GABRB1: variants seen among roughly 807,000 people sequenced by gnomAD.
GABRB1 encodes gamma-aminobutyric acid receptor subunit beta-1.
GABRB1 carries 17 observed loss-of-function variants against 51.6 expected under a neutral mutation model. The observed-to-expected ratio is 0.33, with a 90% CI of 0.23 to 0.49. The LOEUF is 0.49. Among genes scored for constraint, GABRB1 ranks in the 20% least tolerant of loss-of-function variants. The probability of loss-of-function intolerance (pLI) is 0.99; values close to 1 mark genes in which losing one functional copy is unlikely to be tolerated. For synonymous variants in GABRB1, 247 were observed against 218.9 expected (o/e 1.13, Z -1.14); for missense variants, 410 against 600.6 (o/e 0.68, Z 3.32).
At chr4:47,139,352 T>C (rs576772112) in intron 3 of GABRB1, among the ~76,000 whole-genome samples, 1 of 152,196 alleles carries the variant, frequency 6.6e-6, no homozygotes, top group South Asian at 2.1e-4. Flanking sequence ...ATCTCAGTCC[T>C]TTTGCTTTTA....
At position 47,403,347 on chromosome 4, in the gene GABRB1, T is replaced by C; in HGVS notation, c.574T>C (p.Tyr192His). The change falls in exon 6 of 9, where the codon TAC becomes CAC. Residue 192 changes from tyrosine to histidine, a missense_variant. Tyr to His is a moderately conservative substitution (Grantham distance 83). Around this residue, in one of 5 missense-constraint regions of GABRB1, gnomAD observed 36 missense variants for 39.7 expected, o/e 0.91. Coordinates refer to ENST00000295454, the MANE Select transcript of GABRB1 (RefSeq NM_000812.4). ...CTATACCACTGATGACATTGAATTT[T>C]ACTGGAATGGAGGAGAAGGGGCAGT... The part of the protein sequence containing the change: ...YGYTTDDIEF[Y>H]WNGGEGAVTG... 1.9e-6 allele frequency: 3 copies of C among 1,614,066 alleles called. No homozygotes were observed. Among genetic ancestry groups the C allele is most frequent in the Non-Finnish European group, 2.5e-6 (3 of 1,179,916 alleles).
chr4:47,343,800 G>A (rs555846984), intron 5 of GABRB1, among the ~76,000 whole-genome samples: 4 of 152,252 alleles, frequency 2.6e-5, no homozygotes, highest in East Asian at 1.9e-4. Flanking sequence ...CCTGTACCAC[G>A]TATTCATATT....
intron 3 of GABRB1, among the ~76,000 whole-genome samples, chr4:47,147,788 A>G (rs969329749): frequency 7.9e-5 from 12 of 152,102 alleles, no homozygotes; most frequent in Admixed American, 7.9e-4. Flanking sequence ...TAGCAAGACA[A>G]GAGGTATGTT....
chr4:47,365,920 C>A (rs911428300), intron 5 of GABRB1, among the ~76,000 whole-genome samples: 28 of 152,132 alleles, frequency 1.8e-4, no homozygotes, highest in African/African-American at 6.8e-4. Context: ...CCAGTTCTTA[C>A]CTTGTTGCTT....
intron 3 of GABRB1, among the ~76,000 whole-genome samples, chr4:47,087,925 C>T (rs1728145454): frequency 6.6e-6 from 1 of 152,108 alleles, no homozygotes; most frequent in South Asian, 2.1e-4. Flanking sequence ...TGTTGTTTTG[C>T]AACCTGGGAA....
intron 3 of GABRB1, among the ~76,000 whole-genome samples, chr4:47,084,719 A>G (rs1406495121): frequency 6.6e-6 from 1 of 152,188 alleles, no homozygotes; most frequent in Non-Finnish European, 1.5e-5. Flanking sequence ...AAGTCTTTGT[A>G]AGACTTACAA....
intron 3 of GABRB1, among the ~76,000 whole-genome samples, chr4:47,132,156 CGTCA>C (rs1478226804): frequency 1.3e-5 from 2 of 152,062 alleles, no homozygotes. Flanking sequence ...CACTAGAAAG[CGTCA>C]TTCAGATTGA....
intron 5 of GABRB1, among the ~76,000 whole-genome samples, chr4:47,380,168 G>T (rs1457317498): frequency 2.0e-5 from 3 of 152,156 alleles, no homozygotes; most frequent in African/African-American, 7.2e-5. Flanking sequence ...CTCTGGAATT[G>T]CTTGTTATAA....
At chr4:47,317,176 T>A (rs753254446) in intron 4 of GABRB1, among the ~76,000 whole-genome samples, 1 of 152,054 alleles carries the variant, frequency 6.6e-6, no homozygotes, top group Non-Finnish European at 1.5e-5. Context: ...CTGGGCTCCA[T>A]CTACTAGATT....
intron 4 of GABRB1, among the ~76,000 whole-genome samples, chr4:47,243,235 A>G (rs1304455686): frequency 3.9e-5 from 6 of 152,078 alleles, no homozygotes; most frequent in Non-Finnish European, 7.4e-5. Flanking sequence ...GCTCTGTTCC[A>G]TTGGTCTATA....
intron 3 of GABRB1, among the ~76,000 whole-genome samples, chr4:47,088,649 C>T (rs1728174946): frequency 6.6e-6 from 1 of 152,124 alleles, no homozygotes; most frequent in South Asian, 2.1e-4. Flanking sequence ...ATTGAGAAGG[C>T]CAGCTTACAT....
intron 4 of GABRB1, among the ~76,000 whole-genome samples, chr4:47,210,854 C>A (rs1408431393): frequency 3.3e-5 from 5 of 152,082 alleles, no homozygotes; most frequent in Non-Finnish European, 7.4e-5. Flanking sequence ...GCCACGGGGG[C>A]TATAGTAACT....
chr4:47,234,059 C>T (rs1024560828), intron 4 of GABRB1, among the ~76,000 whole-genome samples: 1 of 152,050 alleles, frequency 6.6e-6, no homozygotes, highest in Non-Finnish European at 1.5e-5. Flanking sequence ...CTGTTTTTAC[C>T]AGAATATTTC....
intron 5 of GABRB1, among the ~76,000 whole-genome samples, chr4:47,396,106 G>A (rs1042363416): frequency 2.0e-5 from 3 of 152,168 alleles, no homozygotes; most frequent in African/African-American, 7.2e-5. Context: ...ATTTACAAAA[G>A]AAAGATGTTT....
chr4:47,134,494 GA>G (rs746387786), intron 3 of GABRB1, among the ~76,000 whole-genome samples: 20 of 151,934 alleles, frequency 1.3e-4, no homozygotes, highest in Non-Finnish European at 2.8e-4. Flanking sequence ...TTAATGAGAG[GA>G]AAATGATGGA....
chr4:47,061,765 C>T (rs138523156), intron 3 of GABRB1, among the ~76,000 whole-genome samples: 1 of 152,136 alleles, frequency 6.6e-6, no homozygotes. Context: ...CTAATTTTAT[C>T]AACCTATGAT....
At chr4:47,239,717 A>T (rs576751995) in intron 4 of GABRB1, among the ~76,000 whole-genome samples, 1 of 152,348 alleles carries the variant, frequency 6.6e-6, no homozygotes, top group African/African-American at 2.4e-5. Flanking sequence ...CCCTCTCCTC[A>T]GAAGCAAGGT....
intron 5 of GABRB1, among the ~76,000 whole-genome samples, chr4:47,346,773 T>A (rs1393034027): frequency 6.6e-6 from 1 of 152,220 alleles, no homozygotes; most frequent in East Asian, 1.9e-4. Flanking sequence ...AAAGTTTGCA[T>A]CCTTGCTGTT....
intron 1 of GABRB1, among the ~76,000 whole-genome samples, chr4:47,008,852 C>CTTATTTTTTTTTTTTTTTT (rs777676653): frequency 1.8e-5 from 1 of 56,476 alleles, no homozygotes; most frequent in Admixed American, 3.0e-4. Flanking sequence ...TCAGATACTA[C>CTTATTTTTTTTTTTTTTTT]CTTTTTTTTT....
Sources: gnomAD v4.1 joint callset for allele counts (sites outside exome capture counted in the v4.1 genomes callset) on GRCh38, gnomAD v4.1.1 for gene constraint, gnomAD v4.1.1 regional missense constraint, MANE v1.5 for transcripts, NCBI Gene and HGNC (gene_info 2026-07-23, HGNC 2026-07-21) for gene names.